RAP1GAP: variants seen among roughly 807,000 people sequenced by gnomAD.
RAP1GAP encodes rap1 GTPase-activating protein 1.
In RAP1GAP, 35 loss-of-function variants were observed where a neutral mutation model predicts 87.2. That is an observed-to-expected ratio of 0.40 (90% CI 0.31 to 0.53). RAP1GAP has a LOEUF of 0.53. Among genes scored for constraint, RAP1GAP ranks in the 20% least tolerant of loss-of-function variants. The pLI, the probability that RAP1GAP is intolerant of heterozygous loss-of-function variation, is 0.48. For synonymous variants in RAP1GAP, 375 were observed against 363.9 expected (o/e 1.03, Z -0.35); for missense variants, 734 against 898.9 (o/e 0.82, Z 2.35).
intron 2 of RAP1GAP, among the ~76,000 whole-genome samples, chr1:21,632,847 C>T (rs2094026148): frequency 6.6e-6 from 1 of 152,188 alleles, no homozygotes; most frequent in South Asian, 2.1e-4. Flanking sequence ...CTACAGTGAG[C>T]CATGATGGTA....
rs754316875 is a variant in RAP1GAP at position 21,613,657 on chromosome 1, C to T, written c.445G>A (p.Glu149Lys). The change falls in exon 9 of 25, where the codon GAG becomes AAG. Residue 149 changes from glutamate to lysine, a missense_variant. Physicochemically the swap from Glu to Lys is moderately conservative, Grantham distance 56 (BLOSUM62 1). This residue lies in a region of RAP1GAP where 485 missense variants were observed against 646.2 expected (regional missense o/e 0.75). Transcript: ENST00000374765. This position sits in a 1 kb window ranked among gnomAD's most constrained non-coding sequence, Gnocchi z 4.7. Reference sequence around the variant, plus strand: ...GCCATCTGGACAACATTAGGGAACTCGGTGAGGCAGGAGATGGGGATGACA... The same window carrying T: ...GCCATCTGGACAACATTAGGGAACTTGGTGAGGCAGGAGATGGGGATGACA... ...HDVIPISCLTEFPNVVQMAKL... is the reference protein window; with the variant it reads ...HDVIPISCLTKFPNVVQMAKL... 5.0e-6 allele frequency: 8 copies of T among 1,613,744 alleles called. No homozygotes were observed. The highest frequency in any genetic ancestry group is 5.9e-6 in the Non-Finnish European group (7 of 1,179,810).
Position 21,668,227 on chromosome 1 carries a change from T to C in RAP1GAP, c.-149+1027A>G, listed in dbSNP as rs2097440830. Among the ~76,000 whole-genome samples, 1 of 152,114 alleles carries C rather than the reference T, an allele frequency of 6.6e-6. No homozygotes were observed. The highest frequency in any genetic ancestry group is 2.4e-5 in the African/African-American group (1 of 41,426). ...CATATGGGGAGGAAGTGGTACCATC[T>C]CACCCCCATTGCCTTTCTCTCCTAC... On this transcript the variant is annotated intron_variant, in intron 1 of 24. Coordinates refer to ENST00000374765, the MANE Select transcript of RAP1GAP (RefSeq NM_002885.4). This position sits in a 1 kb window ranked among gnomAD's most constrained non-coding sequence, Gnocchi z 6.2.
chr1:21,657,793 C>A (rs1489333086), intron 1 of RAP1GAP, among the ~76,000 whole-genome samples: 1 of 152,232 alleles, frequency 6.6e-6, no homozygotes, highest in Admixed American at 6.5e-5. Flanking sequence ...ATCACAAGTG[C>A]CTTCCCACTT....
In RAP1GAP at chr1:21,643,845, G is replaced by A. The variant is rs116386459; in HGVS notation, c.-113+5916C>T. ...GGGTAAGGCCACACAGCAAGTAAGT[G>A]GAAGTTGAACTGGGTATTTGAACTC... On this transcript the variant is annotated intron_variant, in intron 2 of 24. Coordinates refer to ENST00000374765, the MANE Select transcript of RAP1GAP (RefSeq NM_002885.4). Among the ~76,000 whole-genome samples, 630 of 152,338 alleles carry A rather than the reference G, an allele frequency of 4.1e-3. 3 individuals are homozygous for A. The highest frequency in any genetic ancestry group is 0.015 in the African/African-American group (604 of 41,578).
At chr1:21,652,989 C>T (rs72876082) in intron 1 of RAP1GAP, 54 of 152,528 alleles carry the variant, frequency 3.5e-4, no homozygotes, top group African/African-American at 1.2e-3. Context: ...GGAAGGATGA[C>T]CAAGGGCACA....
intron 21 of RAP1GAP, among the ~76,000 whole-genome samples, 162 bp downstream of exon 21, chr1:21,599,332 T>C (rs1335637714): frequency 6.6e-6 from 1 of 152,294 alleles, no homozygotes; most frequent in African/African-American, 2.4e-5. Flanking sequence ...CGTGGAAGGC[T>C]TCTGAGCAGG....
intron 16 of RAP1GAP, 79 bp downstream of exon 16, chr1:21,608,771 T>A (rs1558652393): frequency 4.2e-6 from 6 of 1,424,046 alleles, no homozygotes; most frequent in Non-Finnish European, 5.9e-6. Context: ...ACATGGCTTT[T>A]CCCTTCCCAG....
rs201554924 is a variant in RAP1GAP, at chr1:21,611,461, G to A, written c.834C>T (p.Asp278=). 78 of 1,613,634 alleles carry A rather than the reference G, an allele frequency of 4.8e-5. No individual in the cohort carries two copies. The highest frequency in any genetic ancestry group is 1.6e-4 in the Middle Eastern group (1 of 6,084). Residue 278 remains aspartate, a synonymous_variant, in exon 13 of 25, where the codon GAC becomes GAT. Transcript: ENST00000374765. The part of the protein sequence containing the change: ...VSTKLPYTEG[D]AQQLQRKRHI... ...GGGGTGCCCAGGCTACCTGCTGGGCGTCCCCTTCCGTGTATGGCAGCTTGG... is the reference window on the plus strand; with the variant it reads ...GGGGTGCCCAGGCTACCTGCTGGGCATCCCCTTCCGTGTATGGCAGCTTGG...
chr1:21,656,056 G>A (rs550494551), intron 1 of RAP1GAP, among the ~76,000 whole-genome samples: 7 of 152,234 alleles, frequency 4.6e-5, no homozygotes, highest in Non-Finnish European at 7.3e-5. Context: ...AGCCTCTTGT[G>A]TGGCTTTGCA....
intron 7 of RAP1GAP, among the ~76,000 whole-genome samples, chr1:21,616,553 CG>C (rs1273625181): frequency 6.6e-6 from 1 of 152,230 alleles, no homozygotes; most frequent in Non-Finnish European, 1.5e-5. Flanking sequence ...CCAGAGCCCA[CG>C]ACACACTTCC....
rs763597176 is a variant in RAP1GAP, at chr1:21,601,806, C to T, written c.1539-9G>A. On this transcript the variant is annotated splice_polypyrimidine_tract_variant and intron_variant, in intron 19 of 24. Coordinates refer to ENST00000374765, the MANE Select transcript of RAP1GAP (RefSeq NM_002885.4). ...CAGCCGGAGGGCTCTCCCTGCGGGG[C>T]ACACGGGGGCAGCGGGGGGATTCAG... is the stretch of plus-strand genomic sequence containing the variant. 2.5e-6 allele frequency: 4 copies of T among 1,579,950 alleles called. No homozygotes were observed. Among genetic ancestry groups the T allele is most frequent in the African/African-American group, 2.7e-5 (2 of 74,164 alleles).
At position 21,613,983 on chromosome 1, in the gene RAP1GAP, C is replaced by A; in HGVS notation, c.395+3G>T. On this transcript the variant is annotated splice_donor_region_variant and intron_variant, in intron 8 of 24. Transcript: ENST00000374765. The surrounding 1 kb of genome is among the most constrained non-coding windows in gnomAD (Gnocchi z 4.7). ...CATCTCAGGACTCCCCCACCACCCT[C>A]ACCTGAGCAGCAGCCGCAGGTGCTC... 1 of 1,598,880 alleles carries A rather than the reference C, an allele frequency of 6.3e-7. No homozygotes were observed. The highest frequency in any genetic ancestry group is 1.1e-5 in the South Asian group (1 of 89,768).
At chr1:21,667,634 A>T (rs1455583969) in intron 1 of RAP1GAP, 1 of 152,250 alleles carries the variant, frequency 6.6e-6, no homozygotes, top group Non-Finnish European at 1.5e-5. Context: ...CACATGGACC[A>T]CTCCACCACG....
chr1:21,646,460 C>T (rs568032218), intron 2 of RAP1GAP, among the ~76,000 whole-genome samples: 1 of 152,366 alleles, frequency 6.6e-6, no homozygotes, highest in Admixed American at 6.5e-5. Context: ...CACTCTCAGT[C>T]CTGGTTTTGG....
intron 17 of RAP1GAP, among the ~76,000 whole-genome samples, chr1:21,606,983 C>T (rs1211945814): frequency 6.6e-6 from 1 of 152,204 alleles, no homozygotes; most frequent in African/African-American, 2.4e-5. Flanking sequence ...GTCTCCAGTC[C>T]CCAAGCCTCT....
In RAP1GAP at chr1:21,599,515, C is replaced by T; in HGVS notation, c.1755G>A (p.Val585=). The T allele has an allele frequency of 1.9e-6, 3 of 1,609,534 alleles. No homozygotes were observed. The highest frequency in any genetic ancestry group is 2.5e-6 in the Non-Finnish European group (3 of 1,179,938). ...FASVVEETEG[V]DGEDTGLESV... ...TCACCAGGCCTGTGTCCTCTCCGTC[C>T]ACACCCTCCGTCTCCTCCACCACGC... The change falls in exon 21 of 25, where the codon GTG becomes GTA. Residue 585 remains valine, a synonymous_variant. Transcript: ENST00000374765.
intron 2 of RAP1GAP, among the ~76,000 whole-genome samples, chr1:21,628,406 A>T (rs2092910590): frequency 2.6e-5 from 1 of 37,846 alleles, no homozygotes; most frequent in Non-Finnish European, 1.0e-4. Flanking sequence ...CTACTAAAAA[A>T]AAAAAAAAAA....
chr1:21,597,631 C>T (rs1295084522), intron 24 of RAP1GAP, 55 bp downstream of exon 24: 1 of 1,476,454 alleles, frequency 6.8e-7, no homozygotes, highest in South Asian at 1.3e-5. Context: ...CAGCTCAGCC[C>T]TCTACACACC....
intron 18 of RAP1GAP, 51 bp downstream of exon 18, chr1:21,606,015 T>C (rs1297826008): frequency 3.9e-6 from 6 of 1,533,848 alleles, no homozygotes; most frequent in Non-Finnish European, 5.3e-6. Flanking sequence ...AGAGGAGAGC[T>C]GAGGGCCCCC....
Sources: gnomAD v4.1 joint callset for allele counts (sites outside exome capture counted in the v4.1 genomes callset) on GRCh38, gnomAD v4.1.1 for gene constraint, gnomAD v4.1.1 regional missense constraint, Gnocchi (gnomAD v3.1) non-coding constraint, MANE v1.5 for transcripts, NCBI Gene and HGNC (gene_info 2026-07-23, HGNC 2026-07-21) for gene names.